RPA1: variants seen among roughly 807,000 people sequenced by gnomAD.
RPA1 encodes the protein replication protein A 70 kDa DNA-binding subunit.
In RPA1, 49 loss-of-function variants were observed where a neutral mutation model predicts 83.0. The ratio of observed to expected loss-of-function variants is 0.59; its 90% CI spans 0.47 to 0.75. The LOEUF is 0.75. RPA1 is among the 30% of genes least tolerant of loss of function. The pLI is 0.00. For missense variants in RPA1, 693 were observed against 776.1 expected, an observed-to-expected ratio of 0.89 and a Z score of 1.27; for synonymous variants, 279 against 281.8, an observed-to-expected ratio of 0.99 and a Z score of 0.10.
In RPA1 at chr17:1,883,087, G is replaced by A. The variant is rs144281659; in HGVS notation, c.1242-725G>A. Among the ~76,000 whole-genome samples, 496 of 152,282 alleles carry A rather than the reference G, an allele frequency of 3.3e-3. 6 individuals are homozygous for A. The highest frequency in any genetic ancestry group is 0.012 in the African/African-American group (479 of 41,560). On this transcript the variant is annotated intron_variant, in intron 12 of 16. Transcript: ENST00000254719. ...TGTAATCCCAGCACTTTGGGAGGCC[G>A]AGGGAGGAGGATTGTCTGAGTCCAG...
intron 14 of RPA1, among the ~76,000 whole-genome samples, chr17:1,889,180 CAT>C (rs779176348): frequency 1.3e-5 from 2 of 152,164 alleles, no homozygotes; most frequent in Non-Finnish European, 1.5e-5. Flanking sequence ...TAGTCACTTT[CAT>C]GTGGATAATC....
intron 15 of RPA1, among the ~76,000 whole-genome samples, chr17:1,894,313 C>G (rs1196348936): frequency 6.6e-6 from 1 of 151,968 alleles, no homozygotes; most frequent in Admixed American, 6.6e-5. Flanking sequence ...ATTACAGGCA[C>G]CTGCCACTAT....
chr17:1,867,396 T>G (rs1404484774), intron 5 of RPA1, among the ~76,000 whole-genome samples: 5 of 152,012 alleles, frequency 3.3e-5, no homozygotes, highest in Admixed American at 3.3e-4. Flanking sequence ...TTTTCTGTTT[T>G]GGGGGCAAAA....
intron 6 of RPA1, among the ~76,000 whole-genome samples, chr17:1,873,809 A>G (rs1364896832): frequency 6.6e-6 from 1 of 151,708 alleles, no homozygotes; most frequent in Non-Finnish European, 1.5e-5. Context: ...CCTGGCCAAC[A>G]TGGTGAAAAC....
At chr17:1,888,903 C>T (rs756129130) in intron 14 of RPA1, 52 bp downstream of exon 14, 94 of 1,567,464 alleles carry the variant, frequency 6.0e-5, no homozygotes, top group African/African-American at 3.4e-4. Context: ...GAGGCCCTCC[C>T]GTGTGCCAGG....
At chr17:1,850,516 G>A (rs1449701424) in intron 4 of RPA1, among the ~76,000 whole-genome samples, 1 of 147,142 alleles carries the variant, frequency 6.8e-6, no homozygotes, top group African/African-American at 2.5e-5. Flanking sequence ...TAGCCTGGGT[G>A]ACAGAGCAAG....
Position 1,884,052 on chromosome 17 carries a change from G to A in RPA1, c.1374+108G>A, listed in dbSNP as rs551276376. ...GCTGTCAGAGCCGTAATTCTTACCC[G>A]GGGCTGTGACCTGAGCGTGGCATGG... is the stretch of plus-strand genomic sequence containing the variant. On this transcript the variant is annotated intron_variant, in intron 13 of 16. Transcript: ENST00000254719. This position sits in a 1 kb window ranked among gnomAD's most constrained non-coding sequence, Gnocchi z 4.1. The A allele has an allele frequency of 1.8e-5, 27 of 1,488,930 alleles. No individual in the cohort carries two copies. Among genetic ancestry groups the A allele is most frequent in the South Asian group, 1.5e-4 (12 of 81,534 alleles). The allele number at this position is 1,488,930 out of a possible 1,614,324, so 92.2% of individuals were successfully genotyped here.
intron 8 of RPA1, 108 bp from the exon 9 acceptor site, chr17:1,878,885 A>G: frequency 9.6e-7 from 1 of 1,040,280 alleles, no homozygotes. Context: ...TGCTCTCAAG[A>G]TGTCACTTTG....
chr17:1,882,716 T>C (rs1353988894), intron 12 of RPA1, among the ~76,000 whole-genome samples: 1 of 152,184 alleles, frequency 6.6e-6, no homozygotes, highest in Admixed American at 6.5e-5. Context: ...AGGCCTTTTA[T>C]GGAAACACTT....
chr17:1,842,531 A>G (rs1912090592), intron 1 of RPA1, among the ~76,000 whole-genome samples: 1 of 152,182 alleles, frequency 6.6e-6, no homozygotes. Context: ...GTTAATGAGC[A>G]CTAGAGGGAA....
At chr17:1,881,637 C>A (rs1229046516) in intron 12 of RPA1, among the ~76,000 whole-genome samples, 2 of 152,118 alleles carry the variant, frequency 1.3e-5, no homozygotes, top group Non-Finnish European at 2.9e-5. Context: ...GAGTTCGACT[C>A]CAGGTTAATT....
chr17:1,895,660 T>A (rs1914383379), intron 16 of RPA1, among the ~76,000 whole-genome samples: 1 of 3,018 alleles, frequency 3.3e-4, no homozygotes, highest in Admixed American at 2.5e-3. Context: ...TACCATATAG[T>A]ATTTATTTAT....
At chr17:1,858,908 T>A (rs1052357970) in intron 5 of RPA1, among the ~76,000 whole-genome samples, 70 of 147,396 alleles carry the variant, frequency 4.7e-4, no homozygotes, top group African/African-American at 1.4e-3. Context: ...TATTTTATTT[T>A]TTTTTTTTTT....
chr17:1,840,460 A>C (rs8071327), intron 1 of RPA1, among the ~76,000 whole-genome samples: 1 of 151,786 alleles, frequency 6.6e-6, no homozygotes, highest in Admixed American at 6.6e-5. Flanking sequence ...TTAATTTTTT[A>C]TATTTTTAGC....
chr17:1,847,446 TC>T (rs1912305320), intron 4 of RPA1, among the ~76,000 whole-genome samples: 3 of 152,244 alleles, frequency 2.0e-5, no homozygotes, highest in African/African-American at 7.2e-5. Context: ...ACAGCTCCAC[TC>T]CCCTGGGCTT....
intron 13 of RPA1, among the ~76,000 whole-genome samples, chr17:1,888,304 C>G (rs1914069061): frequency 6.6e-6 from 1 of 152,212 alleles, no homozygotes; most frequent in African/African-American, 2.4e-5. Context: ...TTTCCTAGAT[C>G]TGTGGCCTTT....
chr17:1,898,459 T>G lies in RPA1; in HGVS notation c.*1284T>G, dbSNP rs890391679. The stretch of plus-strand genomic sequence containing the variant: ...TGTTCCTAATCATATTAATTATCTA[T>G]CCGGTGGCTGCAACACACCGCCTGC... On this transcript the variant is annotated 3_prime_UTR_variant, in exon 17 of 17. Transcript: ENST00000254719. 1 of 152,244 alleles carries G rather than the reference T, an allele frequency of 6.6e-6. No homozygotes were observed. Among genetic ancestry groups the G allele is most frequent in the African/African-American group, 2.4e-5 (1 of 41,460 alleles). 9.4% of individuals were successfully genotyped at this position (152,244 alleles called of 1,614,324 possible). A position where few individuals can be genotyped will look rare whatever the true frequency, so the allele number is the denominator to read the frequency against.
intron 8 of RPA1, 137 bp downstream of exon 8, chr17:1,877,451 A>G: frequency 1.4e-6 from 1 of 693,986 alleles, no homozygotes; most frequent in Non-Finnish European, 2.6e-6. Context: ...GCCGAGAAAC[A>G]GAAGGCTCAG....
chr17:1,863,703 A>C (rs1382166023), intron 5 of RPA1, among the ~76,000 whole-genome samples: 1 of 152,238 alleles, frequency 6.6e-6, no homozygotes, highest in Admixed American at 6.5e-5. Context: ...TCTATGAAAC[A>C]TATCTTGCTT....
Sources: gnomAD v4.1 joint callset for allele counts (sites outside exome capture counted in the v4.1 genomes callset) on GRCh38, gnomAD v4.1.1 for gene constraint, Gnocchi (gnomAD v3.1) non-coding constraint, MANE v1.5 for transcripts, NCBI Gene and HGNC (gene_info 2026-07-23, HGNC 2026-07-21) for gene names.